FASTK: variants seen among roughly 807,000 people sequenced by gnomAD.
The protein encoded by FASTK is fas-activated serine/threonine kinase.
In FASTK, 28 loss-of-function variants were observed where a neutral mutation model predicts 60.0. The ratio of observed to expected loss-of-function variants is 0.47; its 90% CI spans 0.35 to 0.64. FASTK has a LOEUF of 0.64. Among genes scored for constraint, FASTK ranks in the 30% least tolerant of loss-of-function variants. The probability of loss-of-function intolerance (pLI) is 0.01; values close to 1 mark genes in which losing one functional copy is unlikely to be tolerated. For missense variants in FASTK, 595 were observed against 713.8 expected (o/e 0.83, Z 1.90); for synonymous variants, 325 against 307.9 (o/e 1.06, Z -0.58).
chr7:151,078,991 G>A lies in FASTK; in HGVS notation c.536C>T (p.Ala179Val). 1.3e-6 allele frequency: 2 copies of A among 1,521,672 alleles called. No homozygotes were observed. Among genetic ancestry groups the A allele is most frequent in the Non-Finnish European group, 1.8e-6 (2 of 1,138,244 alleles). The allele number at this position is 1,521,672 out of a possible 1,614,324, so 94.3% of individuals were successfully genotyped here. ...GFPSDGPLVC[A>V]LEQERRLRLP... is the part of the protein sequence containing the mutation. ...GCGGAGCCTTCGCTCCTGTTCCAGG[G>A]CACACACCAGGGGACCATCAGATGG... The change falls in exon 3 of 10, where the codon GCC becomes GTC. Residue 179 changes from alanine (A) to valine (V), a missense_variant. Coordinates refer to ENST00000297532, the MANE Select transcript of FASTK (RefSeq NM_006712.5).
chr7:151,079,118 G>A, intron 2 of FASTK, 97 bp from the exon 3 acceptor site: 1 of 1,149,442 alleles, frequency 8.7e-7, no homozygotes, highest in Non-Finnish European at 1.2e-6. Flanking sequence ...CTCCTCTCCC[G>A]TTTCCTGAGC....
rs1797945616 is a variant in FASTK, at chr7:151,080,744, G to A, written c.23C>T (p.Pro8Leu). Residue 8 changes from proline to leucine, a missense_variant, in exon 1 of 10, where the codon CCC becomes CTC. Transcript: ENST00000297532. ...AGTCGGTCTCGGGGCCCGGGGGCCGGGTTCCCCCCGCGGCCTCCTCATCGG... is the reference window on the plus strand; with the variant it reads ...AGTCGGTCTCGGGGCCCGGGGGCCGAGTTCCCCCCGCGGCCTCCTCATCGG... MRRPRGE[P>L]GPRAPRPTEG... The A allele has an allele frequency of 7.6e-7, 1 of 1,311,314 alleles. No homozygotes were observed. The highest frequency in any genetic ancestry group is 9.7e-7 in the Non-Finnish European group (1 of 1,030,544). 81.2% of individuals were successfully genotyped at this position (1,311,314 alleles called of 1,614,324 possible).
rs1289328906 is a variant in FASTK, at chr7:151,080,168, C to T, written c.83-246G>A. 5.7e-6 allele frequency: 3 copies of T among 523,416 alleles called. No individual in the cohort carries two copies. The East Asian group carries it at 9.4e-5, about 16-fold the overall frequency. The allele number at this position is 523,416 out of a possible 1,614,324, so 32.4% of individuals were successfully genotyped here. ...AATTCCACATGCACCATCTCTGATG[C>T]TCCTTACACGCCCATGAAGAGTAGG... is the stretch of plus-strand genomic sequence containing the variant. On this transcript the variant is annotated intron_variant, in intron 1 of 9. Coordinates refer to ENST00000297532, the MANE Select transcript of FASTK (RefSeq NM_006712.5).
intron 4 of FASTK, 77 bp downstream of exon 4, chr7:151,078,485 G>T (rs570188914): frequency 4.6e-6 from 7 of 1,506,258 alleles, no homozygotes. Flanking sequence ...AAGGATAGCC[G>T]AGCTGCACGA....
In FASTK at chr7:151,076,659, C is replaced by T. The variant is rs1340043570; in HGVS notation, c.*66G>A. On this transcript the variant is annotated 3_prime_UTR_variant, in exon 10 of 10. Transcript: ENST00000297532. The stretch of plus-strand genomic sequence containing the variant: ...GGAACTTTAATGAGAAATCAAAACA[C>T]AGGGAACCAAAGTGCAAATCATCCA... 88 of 1,085,820 alleles carry T rather than the reference C, an allele frequency of 8.1e-5. No homozygotes were observed. Among genetic ancestry groups the T allele is most frequent in the Non-Finnish European group, 1.0e-4 (80 of 765,632 alleles). The allele number at this position is 1,085,820 out of a possible 1,614,324, so 67.3% of individuals were successfully genotyped here.
chr7:151,080,745 G>A lies in FASTK; in HGVS notation c.22C>T (p.Pro8Ser). ...GTCGGTCTCGGGGCCCGGGGGCCGG[G>A]TTCCCCCCGCGGCCTCCTCATCGGC... Reference protein sequence around the residue: MRRPRGEPGPRAPRPTEG... With the variant: MRRPRGESGPRAPRPTEG... The change falls in exon 1 of 10, where the codon CCC (proline) becomes TCC (serine). Residue 8 changes from proline (P) to serine (S), a missense_variant. Pro to Ser is a moderately conservative substitution (Grantham distance 74). Around this residue, in one of 2 missense-constraint regions of FASTK, gnomAD observed 124 missense variants for 107.9 expected, o/e 1.15. Coordinates refer to ENST00000297532, the MANE Select transcript of FASTK (RefSeq NM_006712.5). The A allele has an allele frequency of 1.5e-6, 2 of 1,310,750 alleles. No individual in the cohort carries two copies. The highest frequency in any genetic ancestry group is 1.5e-5 in the African/African-American group (1 of 64,994). The allele number at this position is 1,310,750 out of a possible 1,614,324, so 81.2% of individuals were successfully genotyped here.
chr7:151,078,082 T>G lies in FASTK; in HGVS notation c.836A>C (p.Lys279Thr). Residue 279 changes from lysine (K) to threonine (T), a missense_variant, in exon 5 of 10, where the codon AAG (lysine) becomes ACG (threonine). Coordinates refer to ENST00000297532, the MANE Select transcript of FASTK (RefSeq NM_006712.5). ...CAGTCGCCCAAAGGGCAGGACCAAC[T>G]TCTGTACCACCTGTGGAGGAAGAGC... ...ETQLSSKVVQ[K>T]LVLPFGRLNY... 6.3e-7 allele frequency: 1 copy of G among 1,590,778 alleles called. No homozygotes were observed. The highest frequency in any genetic ancestry group is 8.6e-7 in the Non-Finnish European group (1 of 1,162,306).
chr7:151,078,154 C>T (rs1466457937), intron 4 of FASTK, 62 bp from the exon 5 acceptor site: 1 of 1,336,668 alleles, frequency 7.5e-7, no homozygotes, highest in Admixed American at 2.0e-5. Context: ...CTTTTACAAG[C>T]TAAGCCTTAG....
rs768176226 is a variant in FASTK at position 151,076,994 on chromosome 7, G to C, written c.1461C>G (p.Phe487Leu). 1.2e-6 allele frequency: 2 copies of C among 1,612,412 alleles called. No individual in the cohort carries two copies. The highest frequency in any genetic ancestry group is 1.7e-6 in the Non-Finnish European group (2 of 1,179,838). Residue 487 changes from phenylalanine to leucine, a missense_variant, in exon 9 of 10, where the codon TTC becomes TTG. By Grantham distance (22) the Phe-to-Leu change is conservative. Coordinates refer to ENST00000297532, the MANE Select transcript of FASTK (RefSeq NM_006712.5). ...VVLVLRERWH[F>L]CRDGRVLLGS... is the part of the protein sequence containing the mutation. ...CCAGCAGCACCCGGCCGTCCCGGCA[G>C]AAATGCCAGCGTTCCCGCAACACCA...
chr7:151,079,143 G>C lies in FASTK; in HGVS notation c.506-122C>G, dbSNP rs955693491. 2.6e-5 allele frequency: 23 copies of C among 876,066 alleles called. No homozygotes were observed. In the East Asian group the frequency reaches 6.2e-4, roughly 24 times the overall value. The allele number at this position is 876,066 out of a possible 1,614,324, so 54.3% of individuals were successfully genotyped here. A position where few individuals can be genotyped will look rare whatever the true frequency, so the allele number is the denominator to read the frequency against. On this transcript the variant is annotated intron_variant, in intron 2 of 9. Transcript: ENST00000297532. Reference sequence around the variant, plus strand: ...GTTTCCTGAGCGGGAAGGTGTGCTAGAGTTTAAGTGCAAACACTAGAGACA... The same window carrying C: ...GTTTCCTGAGCGGGAAGGTGTGCTACAGTTTAAGTGCAAACACTAGAGACA...
chr7:151,078,197 G>T (rs1797773850), intron 4 of FASTK, 105 bp from the exon 5 acceptor site: 2 of 840,618 alleles, frequency 2.4e-6, no homozygotes, highest in African/African-American at 1.7e-5. Context: ...CAACACTGCT[G>T]TAAAGACAGG....
rs1797763224 is a variant in FASTK at position 151,077,985 on chromosome 7, T to G, written c.933A>C (p.Ala311=). The G allele has an allele frequency of 6.2e-7, 1 of 1,612,610 alleles. No homozygotes were observed. Among genetic ancestry groups the G allele is most frequent in the South Asian group, 1.1e-5 (1 of 91,062 alleles). Residue 311 remains alanine (A), a synonymous_variant, in exon 5 of 10, where the codon GCA becomes GCC. Transcript: ENST00000297532. ...ERILAREAGV[A]PLATVNILMS... ...TCAAGATGTTGACTGTAGCCAGGGG[T>G]GCCACCCCTGCTTCCCGAGCCAGGA...
intron 3 of FASTK, 59 bp from the exon 4 acceptor site, chr7:151,078,760 A>G: frequency 6.2e-7 from 1 of 1,609,120 alleles, no homozygotes; most frequent in Non-Finnish European, 8.5e-7. Flanking sequence ...GCTCAATTCC[A>G]CCTCAGCCCA....
At chr7:151,080,423 G>C in intron 1 of FASTK, 1 of 1,175,322 alleles carries the variant, frequency 8.5e-7, no homozygotes, top group Non-Finnish European at 1.1e-6. Flanking sequence ...TCCATGCTGG[G>C]CGCTCCCACT....
intron 1 of FASTK, 161 bp downstream of exon 1, chr7:151,080,524 G>A: frequency 7.8e-7 from 1 of 1,287,632 alleles, no homozygotes; most frequent in Admixed American, 4.2e-5. Flanking sequence ...CGCAGGGCGC[G>A]CGTGGAGCCC....
chr7:151,080,680 C>A lies in FASTK; in HGVS notation c.82+5G>T. The A allele has an allele frequency of 7.0e-7, 1 of 1,437,358 alleles. No individual in the cohort carries two copies. Among genetic ancestry groups the A allele is most frequent in the Non-Finnish European group, 9.1e-7 (1 of 1,100,874 alleles). 89.0% of individuals were successfully genotyped at this position (1,437,358 alleles called of 1,614,324 possible). On this transcript the variant is annotated splice_donor_5th_base_variant and intron_variant, in intron 1 of 9. Transcript: ENST00000297532. ...CGCAGCCCTCCCCGCAGGCGCCACC[C>A]CTACATGACTCCCCGGGCCCTGCGC...
At position 151,079,687 on chromosome 7, in the gene FASTK, G is replaced by A. The variant is rs758113025; in HGVS notation, c.318C>T (p.Pro106=). ...GELLRWLGQN[P]SKVRAHHYSV... ...AGTAGTGGTGGGCGCGCACCTTGCT[G>A]GGGTTCTGGCCCAGCCAGCGCAGCA... The change falls in exon 2 of 10, where the codon CCC becomes CCT. Residue 106 remains proline, a synonymous_variant. Coordinates refer to ENST00000297532, the MANE Select transcript of FASTK (RefSeq NM_006712.5). The A allele has an allele frequency of 4.4e-6, 7 of 1,607,762 alleles. No homozygotes were observed. The East Asian group carries it at 1.6e-4, about 36-fold the overall frequency.
intron 8 of FASTK, 27 bp from the exon 9 acceptor site, chr7:151,077,054 G>A (rs1186519237): frequency 6.2e-7 from 1 of 1,610,260 alleles, no homozygotes; most frequent in Non-Finnish European, 8.5e-7. Context: ...GTGGCTCAGG[G>A]CATGGCGGGC....
intron 6 of FASTK, 87 bp from the exon 7 acceptor site, chr7:151,077,488 CCT>C: frequency 6.5e-7 from 1 of 1,529,366 alleles, no homozygotes; most frequent in Non-Finnish European, 8.9e-7. Flanking sequence ...TGGGCAAAGC[CCT>C]CTGCTGCTTC....
Sources: allele counts gnomAD v4.1 joint callset, GRCh38; gene constraint gnomAD v4.1.1; regional missense constraint gnomAD v4.1.1; transcripts MANE v1.5; gene names NCBI Gene and HGNC (gene_info 2026-07-23, HGNC 2026-07-21).